Variants in CHN2 observed in about 807,000 individuals in gnomAD.
CHN2 encodes chimerin 2.
A neutral mutation model predicts 56.3 loss-of-function variants in CHN2; 35 were observed. That is an observed-to-expected ratio of 0.62 (90% confidence interval 0.47 to 0.82). The LOEUF (loss-of-function observed/expected upper bound fraction) is 0.82. CHN2 is among the 40% of genes least tolerant of loss of function. The pLI is 0.00. For missense variants in CHN2, 491 were observed against 580.5 expected (o/e 0.85, Z 1.58); for synonymous variants, 210 against 212.8 (o/e 0.99, Z 0.12).
In CHN2 at chr7:29,504,834, T is replaced by C; in HGVS notation, c.991+13T>C. ...GCATTTGACAGAGGTAAGCTTGTAC[T>C]TTCTTGAATGCCATCTGACATCCTA... On this transcript the variant is annotated intron_variant, in intron 10 of 12. Transcript: ENST00000222792. The C allele has an allele frequency of 6.3e-7, 1 of 1,591,316 alleles. No individual in the cohort carries two copies. Among genetic ancestry groups the C allele is most frequent in the East Asian group, 2.2e-5 (1 of 44,760 alleles).
intron 6 of CHN2, among the ~76,000 whole-genome samples, chr7:29,439,784 C>G (rs1783498165): frequency 6.6e-6 from 1 of 152,228 alleles, no homozygotes; most frequent in African/African-American, 2.4e-5. Context: ...AAAACAACCA[C>G]TGTGGATGTT....
intron 3 of CHN2, among the ~76,000 whole-genome samples, chr7:29,368,900 A>G (rs1044339184): frequency 2.0e-5 from 3 of 152,172 alleles, no homozygotes; most frequent in African/African-American, 7.2e-5. Context: ...TACACAGTAG[A>G]CTTTCTCATC....
At chr7:29,402,074 G>A (rs140716629) in intron 6 of CHN2, among the ~76,000 whole-genome samples, 4 of 152,292 alleles carry the variant, frequency 2.6e-5, no homozygotes, top group Non-Finnish European at 4.4e-5. Flanking sequence ...AAACCGGAAC[G>A]GGCCTCCCGT....
At chr7:29,498,755 T>G (rs1789585923) in intron 8 of CHN2, among the ~76,000 whole-genome samples, 1 of 132,768 alleles carries the variant, frequency 7.5e-6, no homozygotes, top group Non-Finnish European at 1.5e-5. Flanking sequence ...TAGACTATGC[T>G]GCCTTTTTTT....
intron 4 of CHN2, 50 bp from the exon 5 acceptor site, chr7:29,398,323 C>T (rs1801930081): frequency 2.9e-6 from 4 of 1,377,154 alleles, no homozygotes; most frequent in Non-Finnish European, 4.1e-6. Flanking sequence ...CTTTGTGGTC[C>T]TTATTCTGTA....
chr7:29,466,021 TG>T (rs1785517811), intron 6 of CHN2, among the ~76,000 whole-genome samples: 1 of 152,120 alleles, frequency 6.6e-6, no homozygotes, highest in South Asian at 2.1e-4. Context: ...CTGGCCAACA[TG>T]GTGAAACCCC....
At chr7:29,333,689 A>G (rs1040330030) in intron 1 of CHN2, among the ~76,000 whole-genome samples, 5 of 152,186 alleles carry the variant, frequency 3.3e-5, no homozygotes, top group African/African-American at 1.2e-4. Flanking sequence ...TCCTACCACT[A>G]GCGCTTTCCT....
At chr7:29,281,778 C>T (rs1584952974) in intron 1 of CHN2, among the ~76,000 whole-genome samples, 1 of 152,182 alleles carries the variant, frequency 6.6e-6, no homozygotes, top group East Asian at 1.9e-4. Context: ...AAGCCATTTT[C>T]CCCTAAGAGA....
At chr7:29,211,493 C>G (rs1304724223) in intron 1 of CHN2, among the ~76,000 whole-genome samples, 3 of 148,060 alleles carry the variant, frequency 2.0e-5, no homozygotes, top group South Asian at 2.1e-4. Context: ...CACACACACA[C>G]AGAAACAGAA....
chr7:29,398,260 C>G, intron 4 of CHN2, 113 bp from the exon 5 acceptor site: 1 of 738,316 alleles, frequency 1.4e-6, no homozygotes, highest in Admixed American at 2.0e-5. Context: ...CTTCTTCACT[C>G]AGTTGTGGGG....
intron 1 of CHN2, chr7:29,288,929 C>CA (rs1792366231): frequency 6.6e-6 from 1 of 152,294 alleles, no homozygotes; most frequent in African/African-American, 2.4e-5. Context: ...TTCATCGTGC[C>CA]AACTCAACTA....
intron 1 of CHN2, among the ~76,000 whole-genome samples, chr7:29,250,196 T>C (rs1215889525): frequency 6.6e-6 from 1 of 152,224 alleles, no homozygotes; most frequent in African/African-American, 2.4e-5. Flanking sequence ...AATTAGCCAT[T>C]TGTAGCTTTT....
chr7:29,207,736 A>G (rs1307088281), intron 1 of CHN2, among the ~76,000 whole-genome samples: 8 of 152,192 alleles, frequency 5.3e-5, no homozygotes, highest in Non-Finnish European at 1.2e-4. Flanking sequence ...ATGCTTGTAC[A>G]GACGTTTCCA....
At chr7:29,274,368 A>T (rs7777275) in intron 1 of CHN2, among the ~76,000 whole-genome samples, 40,947 of 152,180 alleles carry the variant, frequency 0.27, 6,361 homozygotes, top group East Asian at 0.51. Context: ...GTAAGAGAGG[A>T]GCAGTTGCTC....
intron 4 of CHN2, 70 bp from the exon 5 acceptor site, chr7:29,398,303 A>G: frequency 1.7e-6 from 2 of 1,199,784 alleles, no homozygotes; most frequent in South Asian, 2.4e-5. Context: ...CCATCCTTTT[A>G]AGGCTAGTTC....
chr7:29,422,265 G>A (rs910615864), intron 6 of CHN2, among the ~76,000 whole-genome samples: 1 of 152,136 alleles, frequency 6.6e-6, no homozygotes, highest in African/African-American at 2.4e-5. Flanking sequence ...ACCTCTTTCA[G>A]CCTGAGCTTT....
intron 7 of CHN2, among the ~76,000 whole-genome samples, chr7:29,483,349 C>CT (rs1787557346): frequency 6.6e-6 from 1 of 152,162 alleles, no homozygotes; most frequent in South Asian, 2.1e-4. Context: ...CAGTCACTGC[C>CT]TTTGCTTCTC....
At chr7:29,466,572 C>A (rs931663898) in intron 6 of CHN2, among the ~76,000 whole-genome samples, 1 of 152,066 alleles carries the variant, frequency 6.6e-6, no homozygotes, top group Non-Finnish European at 1.5e-5. Context: ...CAATAGAGGC[C>A]CTAAAATGGC....
chr7:29,453,854 T>C (rs535257219), intron 6 of CHN2, among the ~76,000 whole-genome samples: 31 of 152,314 alleles, frequency 2.0e-4, no homozygotes, highest in Admixed American at 1.9e-3. Flanking sequence ...TTGATTCCTC[T>C]AGTCAGCTTT....
Sources: gnomAD v4.1 joint callset for allele counts (sites outside exome capture counted in the v4.1 genomes callset) on GRCh38, gnomAD v4.1.1 for gene constraint, MANE v1.5 for transcripts, NCBI Gene and HGNC (gene_info 2026-07-23, HGNC 2026-07-21) for gene names.